The following ARHGAP17 variants were observed in gnomAD, a reference collection of about 807,000 sequenced individuals.
ARHGAP17 encodes the protein rho GTPase-activating protein 17.
Under a neutral mutation model 99.5 loss-of-function variants are expected in ARHGAP17, and 57 were observed. The observed-to-expected ratio is 0.57, with a 90% CI of 0.46 to 0.71. ARHGAP17 has a LOEUF of 0.71. ARHGAP17 is among the 30% of genes least tolerant of loss of function. The pLI is 0.00. For synonymous variants in ARHGAP17, 417 were observed against 429.6 expected (o/e 0.97, Z 0.36); for missense variants, 1,000 against 1,122.4 (o/e 0.89, Z 1.56).
chr16:24,964,058 G>A (rs2052095910), intron 7 of ARHGAP17, 139 bp downstream of exon 7: 3 of 545,780 alleles, frequency 5.5e-6, no homozygotes, highest in Non-Finnish European at 9.3e-6. Flanking sequence ...TCTTAGAGAA[G>A]AAGAAAATAA....
intron 17 of ARHGAP17, among the ~76,000 whole-genome samples, chr16:24,937,764 G>A (rs1438810874): frequency 6.6e-6 from 1 of 152,220 alleles, no homozygotes; most frequent in African/African-American, 2.4e-5. Context: ...GCTCTCCCTT[G>A]CTCATCCCAA....
At chr16:24,997,693 T>C (rs565792128) in intron 1 of ARHGAP17, among the ~76,000 whole-genome samples, 1 of 151,118 alleles carries the variant, frequency 6.6e-6, no homozygotes, top group South Asian at 2.1e-4. Flanking sequence ...GACTTGGGGG[T>C]GGACAGGAAG....
In ARHGAP17 at chr16:24,959,999, G is replaced by A; in HGVS notation, c.574-20C>T. 6.2e-7 allele frequency: 1 copy of A among 1,611,718 alleles called. No homozygotes were observed. The highest frequency in any genetic ancestry group is 8.5e-7 in the Non-Finnish European group (1 of 1,179,022). On this transcript the variant is annotated intron_variant, in intron 7 of 19. Transcript: ENST00000289968. ...TTGATCCTGGGTAAATGGAAGATAA[G>A]AGGTTATTGAAGAAAAAAGAAGTGA...
chr16:24,934,509 G>A (rs773358043), intron 18 of ARHGAP17, among the ~76,000 whole-genome samples: 10 of 151,078 alleles, frequency 6.6e-5, no homozygotes, highest in South Asian at 4.2e-4. Flanking sequence ...GCTGGAGTGC[G>A]GTGGTGCAAT....
chr16:24,936,325 C>T (rs1188827774), intron 17 of ARHGAP17: 1 of 155,066 alleles, frequency 6.4e-6, no homozygotes, highest in Non-Finnish European at 1.4e-5. Context: ...TTATACCAAA[C>T]TCTGTAGCTC....
chr16:24,974,737 C>T (rs1424018471), intron 3 of ARHGAP17, among the ~76,000 whole-genome samples: 2 of 152,122 alleles, frequency 1.3e-5, no homozygotes, highest in African/African-American at 4.8e-5. Flanking sequence ...GAGAGGGAGT[C>T]AGGTCTTGCA....
Position 24,953,624 on chromosome 16 carries a change from C to T in ARHGAP17, c.853-582G>A, listed in dbSNP as rs370325493. ...CATGACTGTAAGTTTCCTGAGGCCT[C>T]TCCAGCCACGATTCCTGTACAGCCT... On this transcript the variant is annotated intron_variant, in intron 10 of 19. Transcript: ENST00000289968. Among the ~76,000 whole-genome samples, 20 of 152,170 alleles carry T rather than the reference C, an allele frequency of 1.3e-4. No homozygotes were observed. The East Asian group carries it at 3.3e-3, about 25-fold the overall frequency.
chr16:24,983,000 T>A (rs1281827180), intron 1 of ARHGAP17, among the ~76,000 whole-genome samples: 1,989 of 27,468 alleles, frequency 0.072, 44 homozygotes, highest in East Asian at 0.092. Context: ...ATATATATTT[T>A]TTTTTTTTTT....
rs2052547788 is a variant in ARHGAP17 at position 24,977,291 on chromosome 16, GA to G, written c.121del (p.Ser41GlnfsTer31). 1 of 1,595,416 alleles carries G rather than the reference GA, an allele frequency of 6.3e-7. No individual in the cohort carries two copies. The highest frequency in any genetic ancestry group is 1.3e-5 in the African/African-American group (1 of 74,754). On this transcript the variant is annotated frameshift_variant, in exon 3 of 20. Coordinates refer to ENST00000289968, the MANE Select transcript of ARHGAP17 (RefSeq NM_001006634.3). LOFTEE classifies it high-confidence loss of function. Reference protein sequence around the residue: ...QIERRLDTVRSICHHSHKRLV... With the variant: ...QIERRLDTVRXICHHSHKRLV... The stretch of plus-strand genomic sequence containing the variant: ...GCGCTTATGGGAATGGTGGCATATT[GA>G]CCGCACCGTGTCCAGGCGTCTCTCA...
chr16:24,954,581 A>G, intron 10 of ARHGAP17, 22 bp downstream of exon 10: 2 of 1,605,824 alleles, frequency 1.2e-6, no homozygotes, highest in Non-Finnish European at 1.7e-6. Flanking sequence ...CTTGGTGCAC[A>G]GGATCACGAA....
chr16:24,963,209 G>T (rs1216787631), intron 7 of ARHGAP17, among the ~76,000 whole-genome samples: 1 of 152,182 alleles, frequency 6.6e-6, no homozygotes, highest in Non-Finnish European at 1.5e-5. Context: ...TATTTTAGTA[G>T]AAGCATTTAT....
At chr16:24,923,557 A>G (rs754672307) in intron 19 of ARHGAP17, among the ~76,000 whole-genome samples, 1 of 152,040 alleles carries the variant, frequency 6.6e-6, no homozygotes, top group Non-Finnish European at 1.5e-5. Context: ...CTCCGTCTCT[A>G]TAAGAAAAAC....
At chr16:24,920,602 A>T (rs796534593) in intron 19 of ARHGAP17, 6 of 237,230 alleles carry the variant, frequency 2.5e-5, no homozygotes, top group African/African-American at 1.4e-4. Context: ...AACCCTCCTG[A>T]TGGCCCCTGG....
In ARHGAP17 at chr16:24,952,381, T is replaced by G. The variant is rs2051670082; in HGVS notation, c.965-11A>C. ...AGGATTTTAAAGCACCTGAAATCAT[T>G]AACACTCTCTTTGAGTATGAAAAAG... On this transcript the variant is annotated splice_polypyrimidine_tract_variant and intron_variant, in intron 11 of 19. Coordinates refer to ENST00000289968, the MANE Select transcript of ARHGAP17 (RefSeq NM_001006634.3). 6.2e-7 allele frequency: 1 copy of G among 1,605,684 alleles called. No homozygotes were observed. Among genetic ancestry groups the G allele is most frequent in the Non-Finnish European group, 8.5e-7 (1 of 1,173,318 alleles).
At chr16:25,004,162 G>T (rs202194620) in intron 1 of ARHGAP17, among the ~76,000 whole-genome samples, 1 of 152,090 alleles carries the variant, frequency 6.6e-6, no homozygotes, top group South Asian at 2.1e-4. Context: ...AGTGGCTCAC[G>T]TCTGTAATCC....
intron 18 of ARHGAP17, among the ~76,000 whole-genome samples, chr16:24,934,002 C>A (rs2051066220): frequency 6.6e-6 from 1 of 152,086 alleles, no homozygotes; most frequent in South Asian, 2.1e-4. Flanking sequence ...GATGACAGGG[C>A]CCAGAGAGGC....
rs2051116687 is a variant in ARHGAP17 at position 24,935,572 on chromosome 16, C to G, written c.1792G>C (p.Ala598Pro). ...PAPGRNNSQI[A>P]SGQNQPQAAA... ...GCCTGGGGCTGATTTTGGCCAGATG[C>G]TATCTGACTGTTGTTTCTCCCTGGT... The change falls in exon 18 of 20, where the codon GCA becomes CCA. Residue 598 changes from alanine (A) to proline (P), a missense_variant. Around this residue, in one of 2 missense-constraint regions of ARHGAP17, gnomAD observed 528 missense variants for 511.4 expected, o/e 1.03. Coordinates refer to ENST00000289968, the MANE Select transcript of ARHGAP17 (RefSeq NM_001006634.3). 1 of 1,614,150 alleles carries G rather than the reference C, an allele frequency of 6.2e-7. No homozygotes were observed.
chr16:25,006,823 A>G (rs1597494138), intron 1 of ARHGAP17, among the ~76,000 whole-genome samples: 1 of 152,202 alleles, frequency 6.6e-6, no homozygotes, highest in African/African-American at 2.4e-5. Context: ...TCATGGGTTC[A>G]ATTTTATCAG....
At chr16:24,952,427 G>T in intron 11 of ARHGAP17, 57 bp from the exon 12 acceptor site, 1 of 1,385,576 alleles carries the variant, frequency 7.2e-7, no homozygotes, top group South Asian at 1.2e-5. Flanking sequence ...AGGAATCTTG[G>T]GACATATTAT....
Sources: allele counts gnomAD v4.1 joint callset (sites outside exome capture counted in the v4.1 genomes callset), GRCh38; gene constraint gnomAD v4.1.1; regional missense constraint gnomAD v4.1.1; transcripts MANE v1.5; gene names NCBI Gene and HGNC (gene_info 2026-07-23, HGNC 2026-07-21).